RSU1: variants seen among roughly 807,000 people sequenced by gnomAD.
RSU1 encodes rsu-1.
Under a neutral mutation model 31.1 loss-of-function variants are expected in RSU1, and 26 were observed. That is an observed-to-expected ratio of 0.84 (90% CI 0.61 to 1.16). RSU1 has a LOEUF of 1.16. RSU1 is among the 50% of genes most tolerant of loss of function. RSU1 has a pLI of 0.00. For missense variants in RSU1, 320 were observed against 339.1 expected (o/e 0.94, Z 0.44); for synonymous variants, 164 against 136.3 (o/e 1.20, Z -1.41).
chr10:16,643,047 A>G (rs1251768841), intron 8 of RSU1, among the ~76,000 whole-genome samples: 2 of 152,246 alleles, frequency 1.3e-5, no homozygotes, highest in Non-Finnish European at 2.9e-5. Flanking sequence ...TATTTTCATA[A>G]TGATGGGATT....
chr10:16,769,022 G>A (rs1320825389), intron 3 of RSU1, among the ~76,000 whole-genome samples: 2 of 152,302 alleles, frequency 1.3e-5, no homozygotes, highest in South Asian at 2.1e-4. Context: ...TGTGCCAGCC[G>A]GTACTGCACC....
At chr10:16,627,762 CAAAAA>C (rs74962434) in intron 8 of RSU1, among the ~76,000 whole-genome samples, 4 of 67,554 alleles carry the variant, frequency 5.9e-5, no homozygotes, top group Non-Finnish European at 9.9e-5. Context: ...CATCTCAATA[CAAAAA>C]AAAAAAAAAA....
chr10:16,660,553 G>A (rs1834868569), intron 8 of RSU1, among the ~76,000 whole-genome samples: 1 of 149,470 alleles, frequency 6.7e-6, no homozygotes, highest in Non-Finnish European at 1.5e-5. Context: ...TCATCCCTAT[G>A]TCTTACTCTC....
chr10:16,732,905 G>C (rs1297337354), intron 7 of RSU1, among the ~76,000 whole-genome samples: 1 of 152,090 alleles, frequency 6.6e-6, no homozygotes, highest in South Asian at 2.1e-4. Context: ...AAAGCTCTTG[G>C]TTAACTTCCA....
At chr10:16,726,244 TTCTG>T (rs986574028) in intron 7 of RSU1, among the ~76,000 whole-genome samples, 49 of 152,040 alleles carry the variant, frequency 3.2e-4, no homozygotes, top group Middle Eastern at 3.4e-3. Flanking sequence ...TGACCTACCT[TTCTG>T]TCTATCTTAG....
At chr10:16,633,369 C>A (rs1052777187) in intron 8 of RSU1, among the ~76,000 whole-genome samples, 1 of 152,128 alleles carries the variant, frequency 6.6e-6, no homozygotes, top group African/African-American at 2.4e-5. Flanking sequence ...ATGATGGCCC[C>A]TGGGTAGGAA....
intron 3 of RSU1, among the ~76,000 whole-genome samples, chr10:16,769,622 C>G (rs1436460675): frequency 6.6e-6 from 1 of 152,130 alleles, no homozygotes; most frequent in Non-Finnish European, 1.5e-5. Flanking sequence ...GCCTGAGACT[C>G]TGAATTTCCA....
intron 8 of RSU1, among the ~76,000 whole-genome samples, chr10:16,663,277 A>ACGTGTGATGCTCTGTCTGGATC (rs1449508677): frequency 6.6e-6 from 1 of 152,154 alleles, no homozygotes; most frequent in Non-Finnish European, 1.5e-5. Flanking sequence ...AGGAAGAAGC[A>ACGTGTGATGCTCTGTCTGGATC]TGTGTGATGC....
At chr10:16,613,478 C>A (rs567095020) in intron 8 of RSU1, among the ~76,000 whole-genome samples, 1 of 152,280 alleles carries the variant, frequency 6.6e-6, no homozygotes, top group Non-Finnish European at 1.5e-5. Context: ...GGGCTTCATC[C>A]CATCCCCATC....
At chr10:16,778,377 G>T (rs1378172303) in intron 3 of RSU1, among the ~76,000 whole-genome samples, 2 of 152,142 alleles carry the variant, frequency 1.3e-5, no homozygotes, top group African/African-American at 4.8e-5. Context: ...CCAGCCAGCA[G>T]TTTCCTCTCT....
intron 8 of RSU1, among the ~76,000 whole-genome samples, chr10:16,672,868 G>A (rs920706705): frequency 2.6e-5 from 4 of 152,196 alleles, no homozygotes; most frequent in East Asian, 3.8e-4. Context: ...CACCCTAATT[G>A]TAGTCTGTTG....
intron 8 of RSU1, among the ~76,000 whole-genome samples, chr10:16,595,214 T>C (rs1833591601): frequency 6.6e-6 from 1 of 152,176 alleles, no homozygotes; most frequent in Non-Finnish European, 1.5e-5. Context: ...GTGCCTGGCG[T>C]CCAATACTAG....
chr10:16,813,655 C>T (rs1348874270), intron 2 of RSU1, among the ~76,000 whole-genome samples: 5 of 152,200 alleles, frequency 3.3e-5, no homozygotes, highest in Admixed American at 2.0e-4. Flanking sequence ...TAAGGTTACA[C>T]AGTACTAACT....
At chr10:16,610,159 G>C (rs1321336840) in intron 8 of RSU1, among the ~76,000 whole-genome samples, 1 of 152,018 alleles carries the variant, frequency 6.6e-6, no homozygotes, top group East Asian at 1.9e-4. Flanking sequence ...ATGATTTTTT[G>C]AGTACTATGT....
intron 2 of RSU1, among the ~76,000 whole-genome samples, chr10:16,791,856 T>TA (rs2131661878): frequency 6.6e-6 from 1 of 152,232 alleles, no homozygotes; most frequent in South Asian, 2.1e-4. Context: ...TGGCCCAACT[T>TA]ATCACAAAGA....
intron 2 of RSU1, among the ~76,000 whole-genome samples, chr10:16,805,470 G>C (rs1290860020): frequency 6.6e-6 from 1 of 151,764 alleles, no homozygotes; most frequent in Non-Finnish European, 1.5e-5. Context: ...AGGAGATCGA[G>C]ACCATCCTGG....
chr10:16,813,220 A>G (rs1307453285), intron 2 of RSU1, among the ~76,000 whole-genome samples: 1 of 152,214 alleles, frequency 6.6e-6, no homozygotes, highest in Non-Finnish European at 1.5e-5. Context: ...TGCAAATTAC[A>G]TGCCATGTTA....
In RSU1 at chr10:16,590,873, A is replaced by G. The variant is rs983328129; in HGVS notation, c.*2521T>C. On this transcript the variant is annotated 3_prime_UTR_variant, in exon 9 of 9. Transcript: ENST00000345264. ...TTAAAAATCTTGCTTTTTCTGTTTA[A>G]TCAGATGTTATGATTCTCTCCCTTT... The G allele has an allele frequency of 2.0e-5, 3 of 152,184 alleles. No homozygotes were observed. The highest frequency in any genetic ancestry group is 4.4e-5 in the Non-Finnish European group (3 of 68,026). 9.4% of individuals were successfully genotyped at this position (152,184 alleles called of 1,614,324 possible).
At chr10:16,815,650 T>C (rs1838513146) in intron 2 of RSU1, among the ~76,000 whole-genome samples, 1 of 152,106 alleles carries the variant, frequency 6.6e-6, no homozygotes, top group African/African-American at 2.4e-5. Context: ...CTTCCCAATG[T>C]CCCAGCAGAG....
Sources: gnomAD v4.1 joint callset for allele counts (sites outside exome capture counted in the v4.1 genomes callset) on GRCh38, gnomAD v4.1.1 for gene constraint, MANE v1.5 for transcripts, NCBI Gene and HGNC (gene_info 2026-07-23, HGNC 2026-07-21) for gene names.